KPNA1: variants seen among roughly 807,000 people sequenced by gnomAD.
KPNA1 encodes karyopherin subunit alpha 1, also known as importin subunit alpha-5.
Under a neutral mutation model 70.5 loss-of-function variants are expected in KPNA1, and 10 were observed. The ratio of observed to expected loss-of-function variants is 0.14; its 90% CI spans 0.09 to 0.24. The LOEUF (loss-of-function observed/expected upper bound fraction) is 0.24, where lower values mean the gene tolerates loss of function less well. KPNA1 is among the 10% of genes least tolerant of loss of function. The pLI is 1.00. For missense variants in KPNA1, 397 were observed against 637.9 expected (o/e 0.62, Z 4.07); for synonymous variants, 192 against 221.9 (o/e 0.87, Z 1.20).
intron 3 of KPNA1, among the ~76,000 whole-genome samples, chr3:122,466,150 A>G (rs1417371695): frequency 6.6e-6 from 1 of 152,122 alleles, no homozygotes; most frequent in African/African-American, 2.4e-5. Context: ...TACCCTCCCA[A>G]CTCTCAAAGA....
intron 2 of KPNA1, among the ~76,000 whole-genome samples, chr3:122,494,726 T>C (rs989042696): frequency 2.6e-5 from 4 of 152,178 alleles, no homozygotes; most frequent in Admixed American, 2.6e-4. Flanking sequence ...TTCGGTAGTA[T>C]ATAAATTTTA....
At chr3:122,429,446 C>CAAAAAAAA (rs57991855) in intron 12 of KPNA1, among the ~76,000 whole-genome samples, 7 of 58,780 alleles carry the variant, frequency 1.2e-4, no homozygotes, top group Non-Finnish European at 2.1e-4. Flanking sequence ...AACTCTGTCT[C>CAAAAAAAA]AAAAAAAAAA....
intron 2 of KPNA1, among the ~76,000 whole-genome samples, chr3:122,489,050 TTGCG>T (rs1365618904): frequency 3.5e-4 from 31 of 88,890 alleles, no homozygotes; most frequent in East Asian, 2.2e-3. Context: ...GTGGGTTTTT[TTGCG>T]TGCGTGTGTG....
rs573534830 is a variant in KPNA1, at chr3:122,457,932, C to G, written c.432+3292G>C. 29 of 1,165,758 alleles carry G rather than the reference C, an allele frequency of 2.5e-5. No homozygotes were observed. In the South Asian group the frequency reaches 4.0e-4, roughly 16 times the overall value. 72.2% of individuals were successfully genotyped at this position (1,165,758 alleles called of 1,614,324 possible). ...CTGCAGAGAACAGTGCCTGAGTCAT[C>G]TGAGCAACTTTCCAGGAAAGGCAGA... is the stretch of plus-strand genomic sequence containing the variant. On this transcript the variant is annotated intron_variant, in intron 5 of 13. Transcript: ENST00000344337.
At chr3:122,432,850 G>C (rs559751035) in intron 12 of KPNA1, 1 of 152,360 alleles carries the variant, frequency 6.6e-6, no homozygotes, top group African/African-American at 2.4e-5. Context: ...GGAGGCCAAG[G>C]CAGGTGGATC....
chr3:122,493,954 T>C (rs2076729001), intron 2 of KPNA1, among the ~76,000 whole-genome samples: 1 of 152,214 alleles, frequency 6.6e-6, no homozygotes, highest in Admixed American at 6.5e-5. Flanking sequence ...GCCACTTGTA[T>C]GTCTTCTTTT....
intron 2 of KPNA1, among the ~76,000 whole-genome samples, chr3:122,491,922 C>T (rs1250676233): frequency 5.6e-5 from 7 of 125,746 alleles, no homozygotes; most frequent in Non-Finnish European, 1.1e-4. Context: ...AGTGCAGTGG[C>T]GCGATCTCGA....
chr3:122,491,264 C>G (rs990450942), intron 2 of KPNA1, among the ~76,000 whole-genome samples: 1 of 152,192 alleles, frequency 6.6e-6, no homozygotes, highest in Non-Finnish European at 1.5e-5. Context: ...CAGTTTGGTA[C>G]AGCGGGATGC....
At chr3:122,458,733 T>C (rs1254217399) in intron 5 of KPNA1, among the ~76,000 whole-genome samples, 1 of 152,176 alleles carries the variant, frequency 6.6e-6, no homozygotes, top group Non-Finnish European at 1.5e-5. Flanking sequence ...AGGAGTAACC[T>C]CCAAGCTTCC....
intron 1 of KPNA1, among the ~76,000 whole-genome samples, chr3:122,504,631 ACTGT>A (rs1243849011): frequency 3.3e-5 from 5 of 151,962 alleles, no homozygotes; most frequent in South Asian, 2.1e-4. Context: ...GCTCTAAGAA[ACTGT>A]CTGTGTGTGT....
intron 5 of KPNA1, chr3:122,457,630 T>C (rs1282788961): frequency 8.3e-6 from 9 of 1,084,056 alleles, no homozygotes; most frequent in South Asian, 6.3e-5. Flanking sequence ...CACTGAAGGT[T>C]TGATGTTTTC....
At position 122,422,286 on chromosome 3, in the gene KPNA1, TGC is replaced by T. The variant is rs2075772504; in HGVS notation, c.*4697_*4698del. On this transcript the variant is annotated 3_prime_UTR_variant, in exon 14 of 14. Transcript: ENST00000344337. ...TCCGTGTCAATACTTTCCACATTTG[TGC>T]GTTTGAATGGATCCATGTGTTTAGC... 6.9e-6 allele frequency: 1 copy of T among 145,876 alleles called. No individual in the cohort carries two copies. Among genetic ancestry groups the T allele is most frequent in the Non-Finnish European group, 1.5e-5 (1 of 64,712 alleles). The allele number at this position is 145,876 out of a possible 1,614,324, so 9.0% of individuals were successfully genotyped here.
intron 2 of KPNA1, among the ~76,000 whole-genome samples, chr3:122,489,245 G>C (rs756780296): frequency 2.6e-5 from 4 of 151,552 alleles, no homozygotes; most frequent in Non-Finnish European, 4.4e-5. Context: ...TTATCTCCAG[G>C]AGTTCAAATT....
At chr3:122,433,435 A>C (rs2075940953) in intron 12 of KPNA1, among the ~76,000 whole-genome samples, 1 of 152,228 alleles carries the variant, frequency 6.6e-6, no homozygotes, top group Non-Finnish European at 1.5e-5. Flanking sequence ...AGCAAAAAGA[A>C]ATGGGAGAGT....
intron 2 of KPNA1, among the ~76,000 whole-genome samples, chr3:122,476,948 A>T: frequency 6.6e-6 from 1 of 151,890 alleles, no homozygotes; most frequent in East Asian, 1.9e-4. Flanking sequence ...AAAGGAAAGG[A>T]AGTCAGTATG....
At position 122,441,382 on chromosome 3, in the gene KPNA1, G is replaced by C. The variant is rs541336461; in HGVS notation, c.996+656C>G. ...CACAGGGGACTTACCATGTACAAAA[G>C]GAGAAAGCTATCAGAGAAGGTGATA... is the stretch of plus-strand genomic sequence containing the variant. On this transcript the variant is annotated intron_variant, in intron 10 of 13. Coordinates refer to ENST00000344337, the MANE Select transcript of KPNA1 (RefSeq NM_002264.4). Among the ~76,000 whole-genome samples the C allele has an allele frequency of 6.6e-5, 10 of 152,212 alleles. No homozygotes were observed. In the East Asian group the frequency reaches 1.9e-3, roughly 29 times the overall value.
chr3:122,497,689 C>CACATACGT (rs1317765194), intron 1 of KPNA1, among the ~76,000 whole-genome samples: 4 of 152,272 alleles, frequency 2.6e-5, no homozygotes, highest in African/African-American at 9.6e-5. Flanking sequence ...AGCAACTTTT[C>CACATACGT]ACATACGTAT....
intron 4 of KPNA1, 47 bp downstream of exon 4, chr3:122,463,895 A>AT: frequency 9.5e-7 from 1 of 1,050,250 alleles, no homozygotes; most frequent in Non-Finnish European, 1.4e-6. Context: ...TGGGAAAGTA[A>AT]TTTTGTAGAG....
At chr3:122,482,122 A>G (rs758573109) in intron 2 of KPNA1, among the ~76,000 whole-genome samples, 1 of 152,286 alleles carries the variant, frequency 6.6e-6, no homozygotes, top group Non-Finnish European at 1.5e-5. Flanking sequence ...CACAGATTGT[A>G]GTTACACAAA....
Sources: gnomAD v4.1 joint callset for allele counts (sites outside exome capture counted in the v4.1 genomes callset) on GRCh38, gnomAD v4.1.1 for gene constraint, MANE v1.5 for transcripts, NCBI Gene and HGNC (gene_info 2026-07-23, HGNC 2026-07-21) for gene names.